The following C1QBP variants were observed in gnomAD, a reference collection of about 807,000 sequenced individuals.
C1QBP encodes complement C1q binding protein, also known as complement component 1 Q subcomponent-binding protein, mitochondrial.
Under a neutral mutation model 29.4 loss-of-function variants are expected in C1QBP, and 24 were observed. The observed-to-expected ratio is 0.82, with a 90% CI of 0.59 to 1.15. The LOEUF is 1.15. Among genes scored for constraint, C1QBP ranks in the 50% most tolerant of loss-of-function variants. The pLI is 0.00. For synonymous variants in C1QBP, 182 were observed against 149.2 expected, an observed-to-expected ratio of 1.22 and a Z score of -1.60; for missense variants, 337 against 355.8, an observed-to-expected ratio of 0.95 and a Z score of 0.43.
Position 5,433,787 on chromosome 17 carries a change from A to G in C1QBP, c.478-20T>C, listed in dbSNP as rs758081301. The G allele has an allele frequency of 1.4e-5, 22 of 1,599,892 alleles. No homozygotes were observed. In the South Asian group the frequency reaches 1.5e-4, roughly 11 times the overall value. ...TTCAGGCTGGGGAAACAAGAAGTCA[A>G]TACATGCTGCTGCTGGAAGGAGATG... On this transcript the variant is annotated intron_variant, in intron 3 of 5. Transcript: ENST00000225698.
chr17:5,438,935 T>G lies in C1QBP; in HGVS notation c.139A>C (p.Ser47Arg). ...RLCTRPFGLL[S>R]VRAGSERRPG... The stretch of plus-strand genomic sequence containing the variant: ...CGCCGCTCGGAACCTGCGCGCACGC[T>G]GAGCAGCCCGAAGGGCCGGGTGCAC... The change falls in exon 1 of 6, where the codon AGC (serine) becomes CGC (arginine). Residue 47 changes from serine (S) to arginine (R), a missense_variant. Physicochemically the swap from Ser to Arg is moderately radical, Grantham distance 110 (BLOSUM62 -1). Transcript: ENST00000225698. The G allele has an allele frequency of 6.5e-7, 1 of 1,529,580 alleles. No homozygotes were observed. Among genetic ancestry groups the G allele is most frequent in the Non-Finnish European group, 8.8e-7 (1 of 1,138,700 alleles). 94.8% of individuals were successfully genotyped at this position (1,529,580 alleles called of 1,614,324 possible).
At position 5,438,188 on chromosome 17, in the gene C1QBP, A is replaced by T. The variant is rs1452415247; in HGVS notation, c.318T>A (p.Ser106=). 1.9e-6 allele frequency: 3 copies of T among 1,613,760 alleles called. No individual in the cohort carries two copies. The highest frequency in any genetic ancestry group is 2.7e-5 in the African/African-American group (2 of 75,024). The change falls in exon 2 of 6, where the codon TCT becomes TCA. Residue 106 remains serine (S), a synonymous_variant. Transcript: ENST00000225698. ...IQKHKTLPKM[S]GGWELELNGT... The stretch of plus-strand genomic sequence containing the variant: ...CATTCAGTTCCAGCTCCCAACCTCC[A>T]GACATCTTAGGGAGGGTTTTATGCT...
At chr17:5,438,648 A>AC (rs1355614578) in intron 1 of C1QBP, 194 bp downstream of exon 1, 1 of 1,157,746 alleles carries the variant, frequency 8.6e-7, no homozygotes, top group Non-Finnish European at 1.2e-6. Context: ...AATTTTATTC[A>AC]CCCCCTACCA....
Position 5,433,088 on chromosome 17 carries a change from A to G in C1QBP, c.776T>C (p.Leu259Pro). 6.2e-7 allele frequency: 1 copy of G among 1,614,140 alleles called. No homozygotes were observed. The highest frequency in any genetic ancestry group is 8.5e-7 in the Non-Finnish European group (1 of 1,180,038). ...DNTFADELVE[L>P]STALEHQEYI... ...CTCCTGGTGCTCCAGGGCTGTGCTG[A>G]GCTCCACCAGCTCATCTGCAAAAGT... The change falls in exon 6 of 6, where the codon CTC becomes CCC. Residue 259 changes from leucine (L) to proline (P), a missense_variant. Coordinates refer to ENST00000225698, the MANE Select transcript of C1QBP (RefSeq NM_001212.4).
At chr17:5,433,851 G>T (rs1916181302) in intron 3 of C1QBP, 84 bp from the exon 4 acceptor site, 2 of 1,128,664 alleles carry the variant, frequency 1.8e-6, no homozygotes, top group East Asian at 4.7e-5. Flanking sequence ...AGTGTCTGAT[G>T]GCCACCACTA....
In C1QBP at chr17:5,433,410, T is replaced by A; in HGVS notation, c.582A>T (p.Gly194=). Residue 194 remains glycine (G), a synonymous_variant, in exon 5 of 6, where the codon GGA becomes GGT. Coordinates refer to ENST00000225698, the MANE Select transcript of C1QBP (RefSeq NM_001212.4). ...LDCHYPEDEV[G]QEDEAESDIF... ...TGTCACTCTCAGCCTCGTCTTCTTG[T>A]CCAACCTGAGAAGAAACAATATTGG... 1 of 1,614,102 alleles carries A rather than the reference T, an allele frequency of 6.2e-7. No individual in the cohort carries two copies. The highest frequency in any genetic ancestry group is 8.5e-7 in the Non-Finnish European group (1 of 1,180,018).
At chr17:5,433,201 T>C (rs754072564) in intron 5 of C1QBP, 37 bp from the exon 6 acceptor site, 7 of 1,607,264 alleles carry the variant, frequency 4.4e-6, no homozygotes, top group Middle Eastern at 1.7e-4. Context: ...AAAAAAAATC[T>C]GTAATGAACA....
intron 3 of C1QBP, among the ~76,000 whole-genome samples, chr17:5,434,322 T>A (rs916719303): frequency 1.3e-5 from 2 of 152,216 alleles, no homozygotes. Context: ...AACACTGTAC[T>A]GATGGCTCTT....
At chr17:5,434,520 T>C (rs562822806) in intron 3 of C1QBP, 1 of 146,240 alleles carries the variant, frequency 6.8e-6, no homozygotes, top group African/African-American at 2.7e-5. Flanking sequence ...CAGGCTGGAG[T>C]GCAGTGGTGT....
chr17:5,433,378 GAGA>G lies in C1QBP; in HGVS notation c.611_613del (p.Phe204del), dbSNP rs1419005073. The G allele has an allele frequency of 1.4e-5, 22 of 1,613,982 alleles. No homozygotes were observed. The highest frequency in any genetic ancestry group is 7.7e-5 in the South Asian group (7 of 91,086). On this transcript the variant is annotated inframe_deletion, in exon 5 of 6. Coordinates refer to ENST00000225698, the MANE Select transcript of C1QBP (RefSeq NM_001212.4). ...GGACTGAAAGCTAACTTCCCTGATA[GAGA>G]AGATGTCACTCTCAGCCTCGTCTTC...
rs1252203283 is a variant in C1QBP, at chr17:5,438,106, C to T, written c.383+17G>A. 6.2e-7 allele frequency: 1 copy of T among 1,610,288 alleles called. No individual in the cohort carries two copies. The highest frequency in any genetic ancestry group is 1.1e-5 in the South Asian group (1 of 90,810). On this transcript the variant is annotated intron_variant, in intron 2 of 5. Transcript: ENST00000225698. ...TTAAGGGAGTTGCTGCCCTGGGATC[C>T]CCAGACCAGTACTTACTTTTCCCCG...
At position 5,438,182 on chromosome 17, in the gene C1QBP, A is replaced by G; in HGVS notation, c.324T>C (p.Gly108=). 1 of 1,613,386 alleles carries G rather than the reference A, an allele frequency of 6.2e-7. No individual in the cohort carries two copies. The highest frequency in any genetic ancestry group is 8.5e-7 in the Non-Finnish European group (1 of 1,179,984). The change falls in exon 2 of 6, where the codon GGT becomes GGC. Residue 108 remains glycine (G), a synonymous_variant. Coordinates refer to ENST00000225698, the MANE Select transcript of C1QBP (RefSeq NM_001212.4). The part of the protein sequence containing the change: ...KHKTLPKMSG[G]WELELNGTEA... ...CTGTCCCATTCAGTTCCAGCTCCCA[A>G]CCTCCAGACATCTTAGGGAGGGTTT...
At chr17:5,438,590 G>C in intron 1 of C1QBP, 2 of 803,678 alleles carry the variant, frequency 2.5e-6, no homozygotes, top group South Asian at 3.8e-5. Context: ...CTTCCCAAAG[G>C]TCCACTTTCG....
chr17:5,439,049 G>A lies in C1QBP; in HGVS notation c.25C>T (p.Pro9Ser), dbSNP rs1916353997. The change falls in exon 1 of 6, where the codon CCC (proline) becomes TCC (serine). Residue 9 changes from proline to serine, a missense_variant. Coordinates refer to ENST00000225698, the MANE Select transcript of C1QBP (RefSeq NM_001212.4). ...GCGACGGAGGAGCCCAGCACACGGGGCACGCAGCGCAGCAGAGGCAGCATC... is the reference window on the plus strand; with the variant it reads ...GCGACGGAGGAGCCCAGCACACGGGACACGCAGCGCAGCAGAGGCAGCATC... MLPLLRCV[P>S]RVLGSSVAGL... 6.5e-7 allele frequency: 1 copy of A among 1,530,592 alleles called. No homozygotes were observed. Among genetic ancestry groups the A allele is most frequent in the Non-Finnish European group, 8.8e-7 (1 of 1,139,236 alleles). The allele number at this position is 1,530,592 out of a possible 1,614,324, so 94.8% of individuals were successfully genotyped here.
At chr17:5,437,098 TG>T (rs1228429430) in intron 2 of C1QBP, among the ~76,000 whole-genome samples, 1 of 152,160 alleles carries the variant, frequency 6.6e-6, no homozygotes, top group Non-Finnish European at 1.5e-5. Flanking sequence ...AGTGATTACC[TG>T]GGGTGGCTAC....
rs1916347613 is a variant in C1QBP at position 5,438,929 on chromosome 17, G to A, written c.145C>T (p.Arg49Cys). Residue 49 changes from arginine to cysteine, a missense_variant, in exon 1 of 6, where the codon CGC becomes TGC. Coordinates refer to ENST00000225698, the MANE Select transcript of C1QBP (RefSeq NM_001212.4). The part of the protein sequence containing the change: ...CTRPFGLLSV[R>C]AGSERRPGLL... ...CCCGGCCGCCGCTCGGAACCTGCGC[G>A]CACGCTGAGCAGCCCGAAGGGCCGG... 1.3e-6 allele frequency: 2 copies of A among 1,533,952 alleles called. No homozygotes were observed. Among genetic ancestry groups the A allele is most frequent in the Non-Finnish European group, 1.8e-6 (2 of 1,140,464 alleles).
intron 3 of C1QBP, 22 bp downstream of exon 3, chr17:5,434,851 G>A (rs1485037254): frequency 1.9e-6 from 3 of 1,593,900 alleles, no homozygotes; most frequent in Admixed American, 3.3e-5. Flanking sequence ...TGAGGTAAAA[G>A]CTGATTATAG....
intron 2 of C1QBP, among the ~76,000 whole-genome samples, chr17:5,437,113 G>A (rs894767333): frequency 3.3e-5 from 5 of 152,208 alleles, no homozygotes; most frequent in Admixed American, 3.3e-4. Context: ...TGGCTACAGG[G>A]AGGAATAATG....
At chr17:5,438,662 G>T in intron 1 of C1QBP, 180 bp downstream of exon 1, 1 of 1,338,634 alleles carries the variant, frequency 7.5e-7, no homozygotes, top group South Asian at 1.4e-5. Context: ...CCTACCAAAA[G>T]AAAACGAAAC....
Sources: gnomAD v4.1 joint callset for allele counts (sites outside exome capture counted in the v4.1 genomes callset) on GRCh38, gnomAD v4.1.1 for gene constraint, MANE v1.5 for transcripts, NCBI Gene and HGNC (gene_info 2026-07-23, HGNC 2026-07-21) for gene names.